RANBP17: variants seen among roughly 807,000 people sequenced by gnomAD.
The protein encoded by RANBP17 is RAN binding protein 17.
A neutral mutation model predicts 141.2 loss-of-function variants in RANBP17; 158 were observed. The observed-to-expected ratio is 1.12, with a 90% CI of 0.98 to 1.28. RANBP17 has a LOEUF of 1.28. Ranked by LOEUF, RANBP17 falls within the 50% of genes most tolerant of loss-of-function variation. The probability of loss-of-function intolerance (pLI) is 0.00; values close to 1 mark genes in which losing one functional copy is unlikely to be tolerated. For synonymous variants in RANBP17, 430 were observed against 450.0 expected, an observed-to-expected ratio of 0.96 and a Z score of 0.56; for missense variants, 1,438 against 1,290.7, an observed-to-expected ratio of 1.11 and a Z score of -1.75.
At chr5:171,205,364 T>C (rs1357552724) in intron 19 of RANBP17, among the ~76,000 whole-genome samples, 160 bp from the exon 20 acceptor site, 1 of 152,200 alleles carries the variant, frequency 6.6e-6, no homozygotes, top group East Asian at 1.9e-4. Context: ...GATTTGATGG[T>C]CTGTTTAAAG....
At chr5:171,242,013 A>G (rs949407030) in intron 23 of RANBP17, among the ~76,000 whole-genome samples, 2 of 150,432 alleles carry the variant, frequency 1.3e-5, no homozygotes, top group African/African-American at 4.9e-5. Context: ...TTTTAGAGGC[A>G]GGGTCTTGCT....
At chr5:171,191,278 T>G (rs897930124) in intron 18 of RANBP17, among the ~76,000 whole-genome samples, 8 of 152,152 alleles carry the variant, frequency 5.3e-5, no homozygotes, top group African/African-American at 1.9e-4. Context: ...TTATTAATAA[T>G]AGTTAACATT....
chr5:171,234,153 C>T (rs753495184), intron 22 of RANBP17, among the ~76,000 whole-genome samples: 1 of 151,960 alleles, frequency 6.6e-6, no homozygotes, highest in Non-Finnish European at 1.5e-5. Context: ...GAAAATATGA[C>T]ATTTGAGTAA....
At chr5:171,158,641 A>G (rs1488855773) in intron 14 of RANBP17, 1 of 166,794 alleles carries the variant, frequency 6.0e-6, no homozygotes, top group Non-Finnish European at 1.3e-5. Context: ...TTTTTTCTTA[A>G]GCCTTTGACC....
At chr5:170,919,663 T>A in intron 11 of RANBP17, 50 bp downstream of exon 11, 1 of 1,388,986 alleles carries the variant, frequency 7.2e-7, no homozygotes, top group Non-Finnish European at 9.7e-7. Flanking sequence ...ACACTTGGAA[T>A]TTTTTAAGAT....
chr5:171,144,718 T>C (rs1326661311), intron 14 of RANBP17, among the ~76,000 whole-genome samples: 1 of 152,218 alleles, frequency 6.6e-6, no homozygotes, highest in Non-Finnish European at 1.5e-5. Context: ...TGTTTGACTA[T>C]CTGTGAAATC....
At chr5:170,914,392 A>G in intron 8 of RANBP17, 152 bp downstream of exon 8, 2 of 594,268 alleles carry the variant, frequency 3.4e-6, no homozygotes, top group East Asian at 2.9e-5. Flanking sequence ...TGCTTAAACT[A>G]TTTGTCAAAT....
At chr5:171,125,021 G>T (rs1042491773) in intron 14 of RANBP17, among the ~76,000 whole-genome samples, 1 of 152,184 alleles carries the variant, frequency 6.6e-6, no homozygotes, top group Non-Finnish European at 1.5e-5. Context: ...TGGGCTGGGG[G>T]CGGTGGCTCA....
intron 14 of RANBP17, among the ~76,000 whole-genome samples, chr5:171,109,992 T>G (rs1310654393): frequency 6.6e-6 from 1 of 152,196 alleles, no homozygotes; most frequent in Non-Finnish European, 1.5e-5. Context: ...TGAGGGTTAT[T>G]GAGAAAGACT....
chr5:171,108,087 A>G (rs1754974138), intron 14 of RANBP17, among the ~76,000 whole-genome samples: 1 of 152,178 alleles, frequency 6.6e-6, no homozygotes, highest in Non-Finnish European at 1.5e-5. Context: ...TTGGTGATAG[A>G]TATTATAATT....
At chr5:171,001,852 A>G (rs1289592025) in intron 14 of RANBP17, among the ~76,000 whole-genome samples, 2 of 152,144 alleles carry the variant, frequency 1.3e-5, no homozygotes, top group African/African-American at 4.8e-5. Context: ...AAGGGAAGAA[A>G]TGACCGCAGT....
intron 14 of RANBP17, among the ~76,000 whole-genome samples, chr5:171,081,266 A>G (rs1369468879): frequency 6.6e-6 from 1 of 152,186 alleles, no homozygotes; most frequent in Non-Finnish European, 1.5e-5. Flanking sequence ...TAAAACTAAT[A>G]TAAGTGATGG....
chr5:170,988,675 A>G (rs1255195539), intron 14 of RANBP17, among the ~76,000 whole-genome samples: 3 of 151,682 alleles, frequency 2.0e-5, no homozygotes, highest in Non-Finnish European at 3.0e-5. Flanking sequence ...AAAGATTTTC[A>G]TAATTAAAAT....
At chr5:171,220,310 C>A (rs945938283) in intron 21 of RANBP17, among the ~76,000 whole-genome samples, 1 of 151,422 alleles carries the variant, frequency 6.6e-6, no homozygotes, top group African/African-American at 2.4e-5. Context: ...CAGTCACCCC[C>A]CTACTGGGAG....
intron 18 of RANBP17, among the ~76,000 whole-genome samples, chr5:171,194,855 G>T (rs960347533): frequency 1.3e-5 from 2 of 152,048 alleles, no homozygotes; most frequent in Non-Finnish European, 2.9e-5. Context: ...GTTTTAAATT[G>T]TACAAAATAA....
chr5:170,872,976 A>G (rs911805432), intron 1 of RANBP17, among the ~76,000 whole-genome samples: 30 of 151,970 alleles, frequency 2.0e-4, no homozygotes, highest in Non-Finnish European at 1.5e-5. Flanking sequence ...CAGTGGTGCA[A>G]TCTTGGCTCG....
chr5:171,273,651 G>T (rs919986680), intron 25 of RANBP17, among the ~76,000 whole-genome samples: 1 of 152,052 alleles, frequency 6.6e-6, no homozygotes, highest in Non-Finnish European at 1.5e-5. Context: ...GAAACATTTG[G>T]CAGGCCAACA....
At chr5:171,041,639 C>G (rs1036659274) in intron 14 of RANBP17, among the ~76,000 whole-genome samples, 1 of 152,100 alleles carries the variant, frequency 6.6e-6, no homozygotes, top group Non-Finnish European at 1.5e-5. Context: ...ACCTGTACAG[C>G]ATGTTACTAT....
At chr5:170,996,574 A>G (rs558343192) in intron 14 of RANBP17, among the ~76,000 whole-genome samples, 1 of 152,350 alleles carries the variant, frequency 6.6e-6, no homozygotes, top group African/African-American at 2.4e-5. Context: ...ATAAAAAGTC[A>G]TGAAGACAGC....
Sources: gnomAD v4.1 joint callset for allele counts (sites outside exome capture counted in the v4.1 genomes callset) on GRCh38, gnomAD v4.1.1 for gene constraint, MANE v1.5 for transcripts, NCBI Gene and HGNC (gene_info 2026-07-23, HGNC 2026-07-21) for gene names.